C8orf34: variants seen among roughly 807,000 people sequenced by gnomAD.
C8orf34 encodes the protein uncharacterized protein C8orf34.
C8orf34 carries 65 observed loss-of-function variants against 68.3 expected under a neutral mutation model. The ratio of observed to expected loss-of-function variants is 0.95; its 90% CI spans 0.78 to 1.17. C8orf34 has a LOEUF of 1.17. Ranked by LOEUF, C8orf34 falls within the 50% of genes most tolerant of loss-of-function variation. The pLI is 0.00. For missense variants in C8orf34, 664 were observed against 655.4 expected (o/e 1.01, Z -0.14); for synonymous variants, 244 against 241.2 (o/e 1.01, Z -0.11).
At chr8:68,514,575 T>A (rs16934677) in intron 5 of C8orf34, among the ~76,000 whole-genome samples, 26,938 of 152,156 alleles carry the variant, frequency 0.18, 5,016 homozygotes, top group African/African-American at 0.47. Context: ...TGATGTCTTG[T>A]TCCATTTCAG....
intron 10 of C8orf34, among the ~76,000 whole-genome samples, chr8:68,770,794 G>T (rs1483610496): frequency 6.6e-6 from 1 of 152,036 alleles, no homozygotes; most frequent in Non-Finnish European, 1.5e-5. Context: ...TTAGTCATTA[G>T]TCACATAATT....
chr8:68,681,080 C>T (rs899415483), intron 8 of C8orf34, among the ~76,000 whole-genome samples: 15 of 152,074 alleles, frequency 9.9e-5, no homozygotes, highest in African/African-American at 3.6e-4. Flanking sequence ...TTGCTTGACC[C>T]CGCAGGCAGT....
At chr8:68,554,480 T>C (rs1816187992) in intron 7 of C8orf34, among the ~76,000 whole-genome samples, 2 of 152,176 alleles carry the variant, frequency 1.3e-5, no homozygotes, top group African/African-American at 4.8e-5. Flanking sequence ...TGTGATTAAA[T>C]GACTTTTTTG....
rs147391552 is a variant in C8orf34, at chr8:68,596,340, AT to A, written c.1106-44034del. 8.6e-4 allele frequency among the ~76,000 whole-genome samples: 131 copies of A among 152,198 alleles called. No individual in the cohort carries two copies. In the East Asian group the frequency reaches 0.024, roughly 28 times the overall value. On this transcript the variant is annotated intron_variant, in intron 7 of 13. Transcript: ENST00000518698. ...CTTCATTTCCTAGGGCCTCTTTCAC[AT>A]TGTGATTAAATAGTATAATGCTTAC... is the stretch of plus-strand genomic sequence containing the variant.
At chr8:68,477,995 G>C (rs1474430203) in intron 4 of C8orf34, among the ~76,000 whole-genome samples, 1 of 152,154 alleles carries the variant, frequency 6.6e-6, no homozygotes, top group Non-Finnish European at 1.5e-5. Flanking sequence ...ACCTTTGATG[G>C]GAGGGGCTGC....
At position 68,731,906 on chromosome 8, in the gene C8orf34, G is replaced by A. The variant is rs543377673; in HGVS notation, c.1404+10469G>A. 2.6e-5 allele frequency among the ~76,000 whole-genome samples: 4 copies of A among 152,338 alleles called. No homozygotes were observed. The South Asian group carries it at 8.3e-4, about 32-fold the overall frequency. ...CCCAGGCTACTGATCATTGGGATTGGTGACAGAAATGCTGGGACCTCAGCG... is the reference window on the plus strand; with the variant it reads ...CCCAGGCTACTGATCATTGGGATTGATGACAGAAATGCTGGGACCTCAGCG... On this transcript the variant is annotated intron_variant, in intron 10 of 13. Coordinates refer to ENST00000518698, the MANE Select transcript of C8orf34 (RefSeq NM_052958.4).
intron 7 of C8orf34, among the ~76,000 whole-genome samples, chr8:68,615,854 C>G (rs959679731): frequency 2.6e-5 from 4 of 151,650 alleles, no homozygotes; most frequent in African/African-American, 9.7e-5. Context: ...GGAATAGTTT[C>G]AGAAGGAATG....
intron 1 of C8orf34, among the ~76,000 whole-genome samples, chr8:68,339,994 A>G (rs1247587762): frequency 6.6e-6 from 1 of 152,104 alleles, no homozygotes; most frequent in African/African-American, 2.4e-5. Flanking sequence ...TTTCATAAGA[A>G]GATGTATAGG....
chr8:68,724,767 T>C (rs1158024752), intron 10 of C8orf34, among the ~76,000 whole-genome samples: 1 of 152,224 alleles, frequency 6.6e-6, no homozygotes, highest in African/African-American at 2.4e-5. Flanking sequence ...GATTATGACC[T>C]CTTAGCTTCA....
At chr8:68,810,337 A>G (rs1824608207) in intron 12 of C8orf34, among the ~76,000 whole-genome samples, 1 of 152,186 alleles carries the variant, frequency 6.6e-6, no homozygotes, top group Non-Finnish European at 1.5e-5. Flanking sequence ...CTGCGGCTGG[A>G]CTAGGCATAC....
chr8:68,575,124 C>A (rs1479339227), intron 7 of C8orf34, among the ~76,000 whole-genome samples: 1 of 151,698 alleles, frequency 6.6e-6, no homozygotes, highest in Non-Finnish European at 1.5e-5. Context: ...GAAATACAAA[C>A]CATTAAAAGT....
chr8:68,463,950 G>A (rs1191341492), intron 3 of C8orf34, among the ~76,000 whole-genome samples: 2 of 152,094 alleles, frequency 1.3e-5, no homozygotes, highest in South Asian at 2.1e-4. Context: ...AGGGCAATTA[G>A]GCAGGAGAAG....
chr8:68,439,055 T>C (rs1006484122), intron 1 of C8orf34: 1 of 152,320 alleles, frequency 6.6e-6, no homozygotes, highest in African/African-American at 2.4e-5. Context: ...ATTTTCTTCA[T>C]TTTTGTTATT....
intron 7 of C8orf34, among the ~76,000 whole-genome samples, chr8:68,573,995 C>T (rs778272829): frequency 4.6e-5 from 7 of 152,142 alleles, no homozygotes; most frequent in Admixed American, 6.6e-5. Context: ...AAAAGTTTTG[C>T]GAAGTTCTAC....
intron 4 of C8orf34, among the ~76,000 whole-genome samples, chr8:68,473,071 C>T (rs916661429): frequency 3.3e-5 from 5 of 152,114 alleles, no homozygotes; most frequent in African/African-American, 7.2e-5. Flanking sequence ...AGTTGTGAAG[C>T]GGCATCGTTG....
At chr8:68,428,624 A>G (rs545138209) in intron 1 of C8orf34, among the ~76,000 whole-genome samples, 4 of 152,212 alleles carry the variant, frequency 2.6e-5, no homozygotes, top group Non-Finnish European at 4.4e-5. Flanking sequence ...AGAAAAATGA[A>G]CATAATCTTG....
chr8:68,345,603 G>A (rs570831361), intron 1 of C8orf34, among the ~76,000 whole-genome samples: 38 of 151,886 alleles, frequency 2.5e-4, no homozygotes, highest in African/African-American at 8.9e-4. Flanking sequence ...ATTCCTTTCA[G>A]GAGTACACCT....
chr8:68,596,712 G>T (rs796994896), intron 7 of C8orf34, among the ~76,000 whole-genome samples: 6 of 152,110 alleles, frequency 3.9e-5, no homozygotes, highest in African/African-American at 1.4e-4. Context: ...TTCATAAGGG[G>T]CTGGAAGTAA....
At chr8:68,495,082 G>A (rs114058476) in intron 5 of C8orf34, among the ~76,000 whole-genome samples, 1,559 of 151,672 alleles carry the variant, frequency 0.01, 32 homozygotes, top group African/African-American at 0.035. Flanking sequence ...TCTCAATAGC[G>A]AAGTACAGGA....
Sources: gnomAD v4.1 joint callset for allele counts (sites outside exome capture counted in the v4.1 genomes callset) on GRCh38, gnomAD v4.1.1 for gene constraint, MANE v1.5 for transcripts, NCBI Gene and HGNC (gene_info 2026-07-23, HGNC 2026-07-21) for gene names.